NBAS: variants seen among roughly 807,000 people sequenced by gnomAD.
NBAS encodes the protein NAG/BC035112 fusion.
A neutral mutation model predicts 302.5 loss-of-function variants in NBAS; 219 were observed. That is an observed-to-expected ratio of 0.72 (90% CI 0.65 to 0.81). The LOEUF (loss-of-function observed/expected upper bound fraction) is 0.81, where lower values mean the gene tolerates loss of function less well. Among genes scored for constraint, NBAS ranks in the 30% least tolerant of loss-of-function variants. The pLI, the probability that NBAS is intolerant of heterozygous loss-of-function variation, is 0.00. For synonymous variants in NBAS, 1,118 were observed against 1,021.6 expected, an observed-to-expected ratio of 1.09 and a Z score of -1.80; for missense variants, 2,932 against 2,841.6, an observed-to-expected ratio of 1.03 and a Z score of -0.72.
the NBAS span, among the ~76,000 whole-genome samples, chr2:14,827,724 A>G: frequency 6.6e-6 from 1 of 152,232 alleles, no homozygotes; most frequent in Admixed American, 6.5e-5. Flanking sequence ...GAATGCTTCC[A>G]CTTATACGAT....
At chr2:15,059,964 CA>C in the NBAS span, among the ~76,000 whole-genome samples, 92 of 112,728 alleles carry the variant, frequency 8.2e-4, 1 homozygote, top group South Asian at 9.3e-4. Context: ...AAAAAAAAAA[CA>C]AAAAAAAAAA....
the NBAS span, among the ~76,000 whole-genome samples, chr2:14,942,555 G>A: frequency 2.0e-5 from 3 of 152,164 alleles, no homozygotes; most frequent in Non-Finnish European, 4.4e-5. Context: ...TGTACAGCCT[G>A]TGGAACCATG....
intron 23 of NBAS, 124 bp downstream of exon 23, chr2:15,424,191 T>C: frequency 8.7e-7 from 1 of 1,148,476 alleles, no homozygotes; most frequent in Non-Finnish European, 1.3e-6. Flanking sequence ...AATATTCAAT[T>C]CATCTCTTGC....
At chr2:15,077,758 A>T in the NBAS span, among the ~76,000 whole-genome samples, 7 of 150,088 alleles carry the variant, frequency 4.7e-5, no homozygotes, top group African/African-American at 1.7e-4. Context: ...ATCTCAGCTC[A>T]CTGCAACCTC....
intron 37 of NBAS, 141 bp downstream of exon 37, chr2:15,328,058 C>CA (rs1258940279): frequency 4.6e-5 from 53 of 1,153,610 alleles, no homozygotes; most frequent in Non-Finnish European, 5.8e-5. Context: ...TAATATATAC[C>CA]AAAAAAATGT....
the NBAS span, among the ~76,000 whole-genome samples, chr2:15,151,854 T>A: frequency 8.5e-5 from 13 of 152,148 alleles, no homozygotes; most frequent in African/African-American, 3.1e-4. Flanking sequence ...TTTTTTATTT[T>A]TTATTTTTTT....
At chr2:15,556,842 A>C (rs1405173220) in intron 2 of NBAS, 23 bp from the exon 3 acceptor site, 1 of 1,585,626 alleles carries the variant, frequency 6.3e-7, no homozygotes, top group Admixed American at 1.7e-5. Context: ...GAAATGGCAA[A>C]GCCAAATATA....
chr2:15,513,518 A>T (rs1406635723), intron 9 of NBAS, among the ~76,000 whole-genome samples: 1 of 152,186 alleles, frequency 6.6e-6, no homozygotes, highest in Non-Finnish European at 1.5e-5. Context: ...GAAAATATTG[A>T]TGAAAAAAGA....
chr2:15,264,399 G>A (rs558129719), intron 44 of NBAS, among the ~76,000 whole-genome samples: 2 of 152,258 alleles, frequency 1.3e-5, no homozygotes, highest in East Asian at 3.9e-4. Context: ...TCCCACCAGA[G>A]TCCTCTCCAG....
chr2:15,424,071 T>A (rs1197206171), intron 23 of NBAS, among the ~76,000 whole-genome samples: 1 of 152,258 alleles, frequency 6.6e-6, no homozygotes, highest in Non-Finnish European at 1.5e-5. Flanking sequence ...AGGGACAGTA[T>A]GTACCACATT....
the NBAS span, among the ~76,000 whole-genome samples, chr2:14,874,618 C>T: frequency 0.011 from 1,558 of 143,590 alleles, 19 homozygotes; most frequent in South Asian, 0.04. Flanking sequence ...CCAGCCTGGA[C>T]GACAAAGCGA....
the NBAS span, among the ~76,000 whole-genome samples, chr2:15,029,411 T>G: frequency 6.6e-6 from 1 of 152,166 alleles, no homozygotes; most frequent in Admixed American, 6.5e-5. Context: ...ACTGTTACAC[T>G]GACTTTATAG....
intron 49 of NBAS, among the ~76,000 whole-genome samples, chr2:15,188,550 A>T (rs1171765456): frequency 6.6e-6 from 1 of 152,212 alleles, no homozygotes; most frequent in Admixed American, 6.5e-5. Flanking sequence ...GGGTGAGCAG[A>T]CTGGGAAATG....
rs77569986 is a variant in NBAS at position 15,543,550 on chromosome 2, T to C, written c.380-4194A>G. 5.3e-3 allele frequency among the ~76,000 whole-genome samples: 807 copies of C among 152,292 alleles called. 6 individuals carry two copies. Among genetic ancestry groups the C allele is most frequent in the South Asian group, 7.9e-3 (38 of 4,820 alleles). On this transcript the variant is annotated intron_variant, in intron 6 of 51. Coordinates refer to ENST00000281513, the MANE Select transcript of NBAS (RefSeq NM_015909.4). ...AGGTTTAATTGAATTTACAGTTCCA[T>C]GTGGTTAGGGAAGCCTCACAATCAT...
At chr2:15,275,925 T>A in intron 43 of NBAS, 107 bp from the exon 44 acceptor site, 1 of 965,344 alleles carries the variant, frequency 1.0e-6, no homozygotes, top group Non-Finnish European at 1.6e-6. Flanking sequence ...CGCAAAGATC[T>A]ATCAACTTAG....
chr2:15,217,374 AC>A (rs1666698798), intron 48 of NBAS, among the ~76,000 whole-genome samples: 1 of 152,226 alleles, frequency 6.6e-6, no homozygotes, highest in East Asian at 1.9e-4. Context: ...TCTTCATCTC[AC>A]AGAGGGAAAT....
chr2:15,510,436 G>A (rs1662085134), intron 10 of NBAS, among the ~76,000 whole-genome samples: 2 of 152,092 alleles, frequency 1.3e-5, no homozygotes, highest in South Asian at 4.2e-4. Flanking sequence ...GACCCCAAAA[G>A]GTCACCATTC....
At chr2:15,122,838 G>T in the NBAS span, among the ~76,000 whole-genome samples, 4 of 152,222 alleles carry the variant, frequency 2.6e-5, no homozygotes, top group African/African-American at 9.6e-5. Flanking sequence ...GAGTAGCCCT[G>T]CTTCTGATCC....
the NBAS span, among the ~76,000 whole-genome samples, chr2:15,120,835 G>A: frequency 1.1e-4 from 16 of 152,322 alleles, no homozygotes; most frequent in East Asian, 2.9e-3. Context: ...TTTACCACAC[G>A]CGTGGGGTTG....
Sources: allele counts gnomAD v4.1 joint callset (sites outside exome capture counted in the v4.1 genomes callset), GRCh38; gene constraint gnomAD v4.1.1; transcripts MANE v1.5; gene names NCBI Gene and HGNC (gene_info 2026-07-23, HGNC 2026-07-21).